RAPGEF5: variants seen among roughly 807,000 people sequenced by gnomAD.
The protein encoded by RAPGEF5 is M-Ras-regulated GEF.
In RAPGEF5, 65 loss-of-function variants were observed where a neutral mutation model predicts 125.2. The ratio of observed to expected loss-of-function variants is 0.52; its 90% CI spans 0.43 to 0.64. The LOEUF is 0.64. Among genes scored for constraint, RAPGEF5 ranks in the 30% least tolerant of loss-of-function variants. RAPGEF5 has a pLI of 0.00. For synonymous variants in RAPGEF5, 391 were observed against 385.9 expected, an observed-to-expected ratio of 1.01 and a Z score of -0.16; for missense variants, 958 against 1,048.1, an observed-to-expected ratio of 0.91 and a Z score of 1.19.
Position 22,243,090 on chromosome 7 carries a change from C to T in RAPGEF5, c.797-12171G>A, listed in dbSNP as rs549333828. On this transcript the variant is annotated intron_variant, in intron 7 of 25. Coordinates refer to ENST00000665637, the MANE Select transcript of RAPGEF5 (RefSeq NM_012294.5). ...CAAAAATAAAGAACATAGCATTTCC[C>T]CTCTACATTTCAGTGCAGTTAATAA... 2.0e-5 allele frequency among the ~76,000 whole-genome samples: 3 copies of T among 152,170 alleles called. No individual in the cohort carries two copies. The East Asian group carries it at 5.8e-4, about 29-fold the overall frequency.
chr7:22,127,881 T>C (rs181549448), intron 24 of RAPGEF5, among the ~76,000 whole-genome samples: 1 of 152,368 alleles, frequency 6.6e-6, no homozygotes, highest in Admixed American at 6.5e-5. Flanking sequence ...GTATTTCTAA[T>C]GCACTTCTAT....
intron 7 of RAPGEF5, among the ~76,000 whole-genome samples, chr7:22,232,692 G>A (rs150493634): frequency 7.9e-4 from 120 of 151,926 alleles, no homozygotes; most frequent in African/African-American, 2.8e-3. Flanking sequence ...TTTTGCTTTT[G>A]TATGCCATTC....
chr7:22,316,169 T>A (rs990043661), intron 2 of RAPGEF5, among the ~76,000 whole-genome samples: 4 of 152,202 alleles, frequency 2.6e-5, no homozygotes, highest in South Asian at 2.1e-4. Context: ...TCCTACTTTA[T>A]AATACTACCT....
In RAPGEF5 at chr7:22,280,965, T is replaced by C. The variant is rs150193539; in HGVS notation, c.747+10210A>G. On this transcript the variant is annotated intron_variant, in intron 6 of 25. Coordinates refer to ENST00000665637, the MANE Select transcript of RAPGEF5 (RefSeq NM_012294.5). ...AATTTAGTGAAGAAGAAAAAAAGAATATTGCCTGAAAATATACTTCTGACT... is the reference window on the plus strand; with the variant it reads ...AATTTAGTGAAGAAGAAAAAAAGAACATTGCCTGAAAATATACTTCTGACT... Among the ~76,000 whole-genome samples, 25 of 152,318 alleles carry C rather than the reference T, an allele frequency of 1.6e-4. No homozygotes were observed. The East Asian group carries it at 4.2e-3, about 26-fold the overall frequency.
chr7:22,230,991 T>C, intron 7 of RAPGEF5, 72 bp from the exon 8 acceptor site: 4 of 1,403,832 alleles, frequency 2.8e-6, no homozygotes, highest in Non-Finnish European at 3.9e-6. Flanking sequence ...TTCTTTCAGA[T>C]CGCAATTTAG....
intron 15 of RAPGEF5, 95 bp downstream of exon 15, chr7:22,157,760 G>A (rs1474599612): frequency 2.2e-5 from 30 of 1,347,722 alleles, no homozygotes; most frequent in Non-Finnish European, 2.1e-6. Context: ...TCTGCTCGAG[G>A]CAGTATTCAT....
chr7:22,134,159 T>C (rs1783008015), intron 23 of RAPGEF5, among the ~76,000 whole-genome samples: 1 of 152,242 alleles, frequency 6.6e-6, no homozygotes, highest in Non-Finnish European at 1.5e-5. Context: ...TGTATATTTT[T>C]GCCAAAATGT....
chr7:22,291,952 C>T (rs1401586624), intron 5 of RAPGEF5, among the ~76,000 whole-genome samples: 1 of 152,170 alleles, frequency 6.6e-6, no homozygotes, highest in Non-Finnish European at 1.5e-5. Flanking sequence ...AAATTATCTA[C>T]TTCTTAAGAA....
In RAPGEF5 at chr7:22,162,518, C is replaced by A. The variant is rs754627189; in HGVS notation, c.1307G>T (p.Gly436Val). ...CGGAACGTCTGAGTTTTCCTCTTTG[C>A]CTTGATACTTCTTAGCAGAATAGGT... ...LRHYSAKKYQ[G>V]KEENSDVPRR... Residue 436 changes from glycine to valine, a missense_variant, in exon 13 of 26, where the codon GGC becomes GTC. Physicochemically the swap from Gly to Val is moderately radical, Grantham distance 109. Transcript: ENST00000665637. 8 of 1,609,898 alleles carry A rather than the reference C, an allele frequency of 5.0e-6. No individual in the cohort carries two copies. The highest frequency in any genetic ancestry group is 6.0e-6 in the Non-Finnish European group (7 of 1,176,468).
intron 1 of RAPGEF5, chr7:22,356,064 C>T (rs1784414516): frequency 1.0e-6 from 1 of 985,314 alleles, no homozygotes; most frequent in South Asian, 4.7e-5. Context: ...TCCTAGGTGG[C>T]TTCTTAAAGA....
chr7:22,315,429 A>G lies in RAPGEF5; in HGVS notation c.330T>C (p.Ile110=), dbSNP rs1483747442. ...TCAGGTCAGCTGCTTGAACGATAAT[A>G]ATATTCCTCAATGCTCTTCCTGCAC... ...SSCAGRALRN[I]IIVQAADLIK... The change falls in exon 3 of 26, where the codon ATT becomes ATC. Residue 110 remains isoleucine, a synonymous_variant. Coordinates refer to ENST00000665637, the MANE Select transcript of RAPGEF5 (RefSeq NM_012294.5). 5.9e-6 allele frequency: 9 copies of G among 1,532,916 alleles called. No homozygotes were observed. The Admixed American group carries it at 1.9e-4, about 32-fold the overall frequency. 95.0% of individuals were successfully genotyped at this position (1,532,916 alleles called of 1,614,324 possible).
intron 1 of RAPGEF5, 102 bp from the exon 2 acceptor site, chr7:22,318,139 A>T: frequency 1.3e-4 from 34 of 261,030 alleles, no homozygotes; most frequent in Non-Finnish European, 1.4e-4. Flanking sequence ...CTCTGCTATG[A>T]AAAAAAAAAA....
chr7:22,211,810 C>A (rs570138407), intron 9 of RAPGEF5, among the ~76,000 whole-genome samples: 3 of 152,128 alleles, frequency 2.0e-5, no homozygotes, highest in South Asian at 2.1e-4. Flanking sequence ...TTTGGATAAA[C>A]CCACAGGTCC....
intron 1 of RAPGEF5, chr7:22,356,304 G>T (rs954885399): frequency 1.0e-5 from 10 of 972,630 alleles, no homozygotes; most frequent in Middle Eastern, 5.3e-4. Context: ...CGGAACCCAG[G>T]AACTGGAAGC....
intron 1 of RAPGEF5, among the ~76,000 whole-genome samples, chr7:22,338,145 T>A (rs1314820358): frequency 1.3e-5 from 2 of 152,248 alleles, no homozygotes; most frequent in African/African-American, 2.4e-5. Flanking sequence ...TGCTGACAGA[T>A]TGCTTTAATT....
intron 11 of RAPGEF5, among the ~76,000 whole-genome samples, chr7:22,169,173 A>G (rs1286390820): frequency 6.6e-6 from 1 of 152,136 alleles, no homozygotes; most frequent in Non-Finnish European, 1.5e-5. Flanking sequence ...TGTCACATGA[A>G]TGGACATGCA....
At chr7:22,136,810 C>A (rs1402694305) in intron 22 of RAPGEF5, 123 bp downstream of exon 22, 8 of 804,900 alleles carry the variant, frequency 9.9e-6, no homozygotes, top group Non-Finnish European at 1.4e-5. Context: ...GTTTCATATA[C>A]AAGTAAACTA....
At chr7:22,331,744 CAAAAAAA>C (rs11406166) in intron 1 of RAPGEF5, among the ~76,000 whole-genome samples, 13 of 94,894 alleles carry the variant, frequency 1.4e-4, no homozygotes, top group Admixed American at 6.0e-4. Flanking sequence ...GACTCCATCT[CAAAAAAA>C]AAAAAAAAAA....
In RAPGEF5 at chr7:22,269,109, C is replaced by T. The variant is rs17712642; in HGVS notation, c.748-2097G>A. On this transcript the variant is annotated intron_variant, in intron 6 of 25. Coordinates refer to ENST00000665637, the MANE Select transcript of RAPGEF5 (RefSeq NM_012294.5). Reference sequence around the variant, plus strand: ...ACTGAACCTCTGCCATGGGAGGATACGAGTATTTTATGCAAAGGAGGATGT... The same window carrying T: ...ACTGAACCTCTGCCATGGGAGGATATGAGTATTTTATGCAAAGGAGGATGT... 2.8e-3 allele frequency among the ~76,000 whole-genome samples: 392 copies of T among 142,156 alleles called. 2 individuals are homozygous for T. The highest frequency in any genetic ancestry group is 0.011 in the Middle Eastern group (3 of 266). 93.3% of individuals were successfully genotyped at this position (142,156 alleles called of 152,430 possible). A position where few individuals can be genotyped will look rare whatever the true frequency, so the allele number is the denominator to read the frequency against.
Sources: allele counts gnomAD v4.1 joint callset (sites outside exome capture counted in the v4.1 genomes callset), GRCh38; gene constraint gnomAD v4.1.1; transcripts MANE v1.5; gene names NCBI Gene and HGNC (gene_info 2026-07-23, HGNC 2026-07-21).